KRT32: variants seen among roughly 807,000 people sequenced by gnomAD.
KRT32 encodes keratin, type I cuticular Ha2.
A neutral mutation model predicts 41.8 loss-of-function variants in KRT32; 44 were observed. The observed-to-expected ratio is 1.05, with a 90% CI of 0.83 to 1.35. The LOEUF (loss-of-function observed/expected upper bound fraction) is 1.35. Among genes scored for constraint, KRT32 ranks in the 40% most tolerant of loss-of-function variants. The probability of loss-of-function intolerance (pLI) is 0.00; values close to 1 mark genes in which losing one functional copy is unlikely to be tolerated. For synonymous variants in KRT32, 238 were observed against 242.5 expected (o/e 0.98, Z 0.17); for missense variants, 576 against 584.6 (o/e 0.99, Z 0.15).
Position 41,467,111 on chromosome 17 carries a change from T to C in KRT32, c.215A>G (p.Gln72Arg), listed in dbSNP as rs3744786. The C allele has an allele frequency of 0.33, 529,918 of 1,614,042 alleles. 89,399 individuals are homozygous for C. Among genetic ancestry groups the C allele is most frequent in the South Asian group, 0.46 (41,703 of 91,074 alleles). ...LSKTYLSSSCQAASGISGSMG... is the reference protein window; with the variant it reads ...LSKTYLSSSCRAASGISGSMG... Reference sequence around the variant, plus strand: ...GGAGCCGGAGATGCCACTGGCTGCCTGGCAGGAACTGGATAGATAGGTTTT... The same window carrying C: ...GGAGCCGGAGATGCCACTGGCTGCCCGGCAGGAACTGGATAGATAGGTTTT... The change falls in exon 1 of 7, where the codon CAG becomes CGG. Residue 72 changes from glutamine to arginine, a missense_variant. Gln to Arg is a conservative substitution (Grantham distance 43, BLOSUM62 1). Transcript: ENST00000225899.
At chr17:41,461,325 G>T (rs947617980) in intron 6 of KRT32, among the ~76,000 whole-genome samples, 2 of 152,240 alleles carry the variant, frequency 1.3e-5, no homozygotes, top group East Asian at 3.9e-4. Flanking sequence ...AACAATAAAT[G>T]AATGAAGAAT....
rs1240790109 is a variant in KRT32 at position 41,467,216 on chromosome 17, A to G, written c.110T>C (p.Leu37Pro). The G allele has an allele frequency of 1.9e-6, 3 of 1,613,886 alleles. No homozygotes were observed. The highest frequency in any genetic ancestry group is 2.2e-5 in the East Asian group (1 of 44,886). Residue 37 changes from leucine (L) to proline (P), a missense_variant, in exon 1 of 7, where the codon CTG becomes CCG. Leu to Pro is a moderately conservative substitution (Grantham distance 98, BLOSUM62 -3). Coordinates refer to ENST00000225899, the MANE Select transcript of KRT32 (RefSeq NM_002278.3). ...SGVNCRPELC[L>P]GYVCQPMACL... ...TGCCATGGGCTGGCAGACATAGCCC[A>G]GGCACAGCTCAGGCCGGCAGTTCAC...
At chr17:41,466,003 A>C in intron 2 of KRT32, 74 bp from the exon 3 acceptor site, 2 of 1,601,726 alleles carry the variant, frequency 1.2e-6, no homozygotes, top group Admixed American at 3.3e-5. Flanking sequence ...AACTGCCGGC[A>C]CTTTCCAACC....
In KRT32 at chr17:41,462,852, G is replaced by C. The variant is rs766266524; in HGVS notation, c.1195C>G (p.Leu399Val). The C allele has an allele frequency of 2.7e-5, 44 of 1,613,392 alleles. No homozygotes were observed. Among genetic ancestry groups the C allele is most frequent in the Non-Finnish European group, 3.7e-5 (44 of 1,179,934 alleles). Residue 399 changes from leucine to valine, a missense_variant, in exon 6 of 7, where the codon CTG becomes GTG. Transcript: ENST00000225899. ...TACTTGCAGTCCTCGTTCTCCAGCA[G>C]GCTCCGGTACGTGTTGATCTCGCCC... ...LEGEINTYRS[L>V]LENEDCKLPC...
intron 6 of KRT32, 125 bp from the exon 7 acceptor site, chr17:41,460,364 T>C: frequency 8.1e-7 from 1 of 1,233,578 alleles, no homozygotes. Context: ...CCAGCCTCCC[T>C]GGTCCCAACC....
At chr17:41,461,647 A>G (rs1476136617) in intron 6 of KRT32, among the ~76,000 whole-genome samples, 2 of 152,272 alleles carry the variant, frequency 1.3e-5, no homozygotes, top group African/African-American at 4.8e-5. Context: ...CCCTGAGGGC[A>G]TGCCATTGCC....
rs548738947 is a variant in KRT32, at chr17:41,465,535, G to C, written c.708+238C>G. The stretch of plus-strand genomic sequence containing the variant: ...CAAGTGGCAGGTGTTTCATACCCAT[G>C]CCTTGGGGATTTCCATGATCCATAT... On this transcript the variant is annotated intron_variant, in intron 3 of 6. Transcript: ENST00000225899. Among the ~76,000 whole-genome samples the C allele has an allele frequency of 2.0e-5, 3 of 152,254 alleles. No individual in the cohort carries two copies. In the East Asian group the frequency reaches 5.8e-4, roughly 29 times the overall value.
intron 6 of KRT32, among the ~76,000 whole-genome samples, chr17:41,461,770 G>A (rs2019003230): frequency 6.6e-6 from 1 of 152,256 alleles, no homozygotes; most frequent in Non-Finnish European, 1.5e-5. Context: ...CACTTGCCCT[G>A]AAGTTATAGA....
intron 3 of KRT32, among the ~76,000 whole-genome samples, chr17:41,465,451 G>A (rs146920071): frequency 1.3e-5 from 2 of 152,214 alleles, no homozygotes; most frequent in East Asian, 3.9e-4. Flanking sequence ...TGAGTGCTTG[G>A]CAGTCACACT....
intron 6 of KRT32, among the ~76,000 whole-genome samples, chr17:41,462,405 G>A (rs901487356): frequency 2.0e-5 from 3 of 152,166 alleles, no homozygotes; most frequent in Admixed American, 6.5e-5. Flanking sequence ...GTGAGGCTGG[G>A]GTAAGAGGTG....
Position 41,467,383 on chromosome 17 carries a change from C to T in KRT32, c.-58G>A, listed in dbSNP as rs1203006294. ...ACCTGGATGTCTACAGACCCCATGC[C>T]GCCCGGGCCATTTTATGCCCTTGCA... On this transcript the variant is annotated 5_prime_UTR_variant, in exon 1 of 7. Coordinates refer to ENST00000225899, the MANE Select transcript of KRT32 (RefSeq NM_002278.3). 10 of 1,319,790 alleles carry T rather than the reference C, an allele frequency of 7.6e-6. No individual in the cohort carries two copies. The highest frequency in any genetic ancestry group is 2.8e-5 in the South Asian group (2 of 71,166). 81.8% of individuals were successfully genotyped at this position (1,319,790 alleles called of 1,614,324 possible). A position where few individuals can be genotyped will look rare whatever the true frequency, so the allele number is the denominator to read the frequency against.
intron 6 of KRT32, among the ~76,000 whole-genome samples, chr17:41,461,833 AGTCGTCAGCCCACTG>A (rs2019003871): frequency 6.6e-6 from 1 of 152,248 alleles, no homozygotes; most frequent in Admixed American, 6.5e-5. Context: ...CAGCTACAAC[AGTCGTCAGCCCACTG>A]GGTGTCCATG....
intron 3 of KRT32, among the ~76,000 whole-genome samples, 183 bp from the exon 4 acceptor site, chr17:41,464,626 G>A (rs187233165): frequency 1.1e-4 from 17 of 152,326 alleles, no homozygotes; most frequent in Admixed American, 5.9e-4. Flanking sequence ...ATACCCCTGC[G>A]ATGGGAACCT....
intron 1 of KRT32, 115 bp from the exon 2 acceptor site, chr17:41,466,291 G>A (rs1330647568): frequency 4.0e-6 from 3 of 750,756 alleles, no homozygotes; most frequent in East Asian, 5.3e-5. Context: ...AGCCATCCCT[G>A]CAGAAGGTCC....
In KRT32 at chr17:41,464,210, T is replaced by A. The variant is rs200712962; in HGVS notation, c.871-7A>T. The A allele has an allele frequency of 6.3e-7, 1 of 1,598,996 alleles. No individual in the cohort carries two copies. The highest frequency in any genetic ancestry group is 8.5e-7 in the Non-Finnish European group (1 of 1,172,414). ...GTTGGTTAAGCTCCTCCATCTGCAGTTGGGGGAAGGAGAAGGCTAGAGTCC... is the reference window on the plus strand; with the variant it reads ...GTTGGTTAAGCTCCTCCATCTGCAGATGGGGGAAGGAGAAGGCTAGAGTCC... On this transcript the variant is annotated splice_region_variant and splice_polypyrimidine_tract_variant and intron_variant, in intron 4 of 6. Transcript: ENST00000225899.
At chr17:41,466,810 G>T in intron 1 of KRT32, 48 bp downstream of exon 1, 1 of 1,379,738 alleles carries the variant, frequency 7.2e-7, no homozygotes, top group Non-Finnish European at 1.0e-6. Context: ...ATGCCAGCTA[G>T]TCCAGTTCCC....
intron 3 of KRT32, among the ~76,000 whole-genome samples, chr17:41,465,091 G>C (rs111468191): frequency 6.6e-6 from 1 of 151,250 alleles, no homozygotes; most frequent in African/African-American, 2.5e-5. Context: ...AGGGAGGGGG[G>C]AAAAACACCA....
chr17:41,465,990 T>C, intron 2 of KRT32, 61 bp from the exon 3 acceptor site: 23 of 1,602,688 alleles, frequency 1.4e-5, no homozygotes, highest in Non-Finnish European at 2.0e-5. Flanking sequence ...AGGGAAGGCC[T>C]TAAACTGCCG....
At position 41,460,239 on chromosome 17, in the gene KRT32, C is replaced by T. The variant is rs967306928; in HGVS notation, c.1218G>A (p.Lys406=). ...YRSLLENEDC[K]LPCNPCSTPS... ...GAGTGGAGCATGGGTTACAGGGCAG[C>T]CTGCAGGAGAAAGTCAAAGAGAAAC... Residue 406 remains lysine, a splice_region_variant and synonymous_variant, in exon 7 of 7, where the codon AAG becomes AAA. Transcript: ENST00000225899. 6.9e-6 allele frequency: 11 copies of T among 1,590,984 alleles called. No homozygotes were observed. Among genetic ancestry groups the T allele is most frequent in the African/African-American group, 6.7e-5 (5 of 74,350 alleles).
Sources: allele counts gnomAD v4.1 joint callset (sites outside exome capture counted in the v4.1 genomes callset), GRCh38; gene constraint gnomAD v4.1.1; transcripts MANE v1.5; gene names NCBI Gene and HGNC (gene_info 2026-07-23, HGNC 2026-07-21).